The following DYM variants were observed in gnomAD, a reference collection of about 807,000 sequenced individuals.
DYM encodes dymeclin.
Under a neutral mutation model 93.1 loss-of-function variants are expected in DYM, and 78 were observed. The observed-to-expected ratio is 0.84, with a 90% confidence interval of 0.70 to 1.01. DYM has a LOEUF of 1.01. Among genes scored for constraint, DYM ranks in the 50% least tolerant of loss-of-function variants. The pLI is 0.00. For missense variants in DYM, 789 were observed against 845.0 expected, an observed-to-expected ratio of 0.93 and a Z score of 0.82; for synonymous variants, 321 against 319.7, an observed-to-expected ratio of 1.00 and a Z score of -0.04.
chr18:49,225,125 G>C (rs952154472), intron 13 of DYM, among the ~76,000 whole-genome samples: 1 of 152,076 alleles, frequency 6.6e-6, no homozygotes, highest in African/African-American at 2.4e-5. Context: ...CTGAGATATC[G>C]TTAATCCCAT....
At chr18:49,074,830 TG>T (rs749697053) in intron 17 of DYM, among the ~76,000 whole-genome samples, 1 of 152,236 alleles carries the variant, frequency 6.6e-6, no homozygotes, top group Non-Finnish European at 1.5e-5. Flanking sequence ...AGAACTAAAA[TG>T]TTTTTCTGTT....
At chr18:49,191,061 T>C (rs989815012) in intron 14 of DYM, among the ~76,000 whole-genome samples, 1 of 143,442 alleles carries the variant, frequency 7.0e-6, no homozygotes, top group East Asian at 2.3e-4. Flanking sequence ...AAAGTTCTAT[T>C]GTGATTGTGC....
intron 6 of DYM, among the ~76,000 whole-genome samples, chr18:49,341,141 C>CA (rs2064086245): frequency 6.6e-6 from 1 of 151,974 alleles, no homozygotes; most frequent in Non-Finnish European, 1.5e-5. Context: ...AATTTCATGA[C>CA]AAAAAATAGA....
intron 8 of DYM, among the ~76,000 whole-genome samples, chr18:49,295,044 A>G (rs1165540295): frequency 1.3e-5 from 2 of 152,044 alleles, no homozygotes; most frequent in Non-Finnish European, 2.9e-5. Context: ...CCAAAAATAC[A>G]AAGAAGAAAC....
rs571092002 is a variant in DYM, at chr18:49,115,792, C to T, written c.1911+2952G>A. Among the ~76,000 whole-genome samples the T allele has an allele frequency of 1.8e-4, 28 of 152,184 alleles. No homozygotes were observed. In the East Asian group the frequency reaches 3.7e-3, roughly 20 times the overall value. On this transcript the variant is annotated intron_variant, in intron 16 of 17. Transcript: ENST00000675505. ...CCCATTCTTGGGTGATATTCTTAGA[C>T]GAAATATTAGACATCAAGAGTCTCA... is the stretch of plus-strand genomic sequence containing the variant.
chr18:49,220,650 G>A (rs1386229609), intron 13 of DYM, among the ~76,000 whole-genome samples: 8 of 152,100 alleles, frequency 5.3e-5, no homozygotes, highest in African/African-American at 1.2e-4. Flanking sequence ...AACAATCAAT[G>A]GGGAAAGGAT....
At chr18:49,278,577 T>G (rs913500497) in intron 10 of DYM, among the ~76,000 whole-genome samples, 1 of 152,082 alleles carries the variant, frequency 6.6e-6, no homozygotes, top group Non-Finnish European at 1.5e-5. Flanking sequence ...TAGTCATTGG[T>G]CAAATAAGTG....
At chr18:49,453,741 G>C (rs1185022988) in intron 1 of DYM, among the ~76,000 whole-genome samples, 1 of 152,168 alleles carries the variant, frequency 6.6e-6, no homozygotes, top group East Asian at 1.9e-4. Flanking sequence ...CAACAAAAAG[G>C]AAGCACGAAA....
At chr18:49,137,942 A>G (rs2084029855) in intron 15 of DYM, among the ~76,000 whole-genome samples, 1 of 152,194 alleles carries the variant, frequency 6.6e-6, no homozygotes, top group African/African-American at 2.4e-5. Flanking sequence ...AAATAGTTCT[A>G]AAAACCCCTT....
intron 6 of DYM, among the ~76,000 whole-genome samples, chr18:49,335,773 T>G (rs549598547): frequency 1.3e-4 from 20 of 152,172 alleles, no homozygotes; most frequent in African/African-American, 4.8e-4. Flanking sequence ...GATAGGCAGA[T>G]GGATGACTAT....
chr18:49,270,315 C>G (rs751695850), intron 11 of DYM, among the ~76,000 whole-genome samples: 1 of 152,168 alleles, frequency 6.6e-6, no homozygotes, highest in Non-Finnish European at 1.5e-5. Flanking sequence ...GGAGATTATT[C>G]TAAGTGAAAT....
Position 49,096,148 on chromosome 18 carries a change from A to T in DYM, c.2025+1254T>A, listed in dbSNP as rs79145936. ...TATATTTAAAAAAATTATCTGGAATAGGAACACATCCAAGCTGGAGGGCCC... is the reference window on the plus strand; with the variant it reads ...TATATTTAAAAAAATTATCTGGAATTGGAACACATCCAAGCTGGAGGGCCC... On this transcript the variant is annotated intron_variant, in intron 17 of 17. Transcript: ENST00000675505. Among the ~76,000 whole-genome samples the T allele has an allele frequency of 4.0e-3, 613 of 152,358 alleles. 3 individuals are homozygous for T. Among genetic ancestry groups the T allele is most frequent in the African/African-American group, 0.014 (596 of 41,588 alleles).
At chr18:49,319,000 T>A (rs1430756381) in intron 8 of DYM, among the ~76,000 whole-genome samples, 1 of 151,536 alleles carries the variant, frequency 6.6e-6, no homozygotes, top group Non-Finnish European at 1.5e-5. Flanking sequence ...AGAGACGGGG[T>A]TTCACCATCT....
intron 17 of DYM, among the ~76,000 whole-genome samples, chr18:49,084,360 G>A (rs888414157): frequency 6.6e-6 from 1 of 152,090 alleles, no homozygotes; most frequent in Non-Finnish European, 1.5e-5. Flanking sequence ...TCTGAGACTT[G>A]TTTTGTGACC....
chr18:49,349,445 C>A (rs2064925488), intron 6 of DYM, among the ~76,000 whole-genome samples: 1 of 151,880 alleles, frequency 6.6e-6, no homozygotes, highest in Admixed American at 6.6e-5. Flanking sequence ...AGCAAATATT[C>A]CAAAATTGTA....
chr18:49,174,551 C>T (rs988639250), intron 14 of DYM, among the ~76,000 whole-genome samples: 2 of 152,088 alleles, frequency 1.3e-5, no homozygotes, highest in Admixed American at 1.3e-4. Context: ...GATTCACTCT[C>T]ACCCCCTACT....
At position 49,235,902 on chromosome 18, in the gene DYM, T is replaced by C. The variant is rs369807203; in HGVS notation, c.1460+21108A>G. On this transcript the variant is annotated intron_variant, in intron 13 of 17. Coordinates refer to ENST00000675505, the MANE Select transcript of DYM (RefSeq NM_001353214.3). ...AATTTTCATATTCTTTTCCTCTTCATAAGGAATCAGAGACTTCTGCAAACA... is the reference window on the plus strand; with the variant it reads ...AATTTTCATATTCTTTTCCTCTTCACAAGGAATCAGAGACTTCTGCAAACA... 1.3e-4 allele frequency among the ~76,000 whole-genome samples: 20 copies of C among 152,300 alleles called. No individual in the cohort carries two copies. In the South Asian group the frequency reaches 4.1e-3, roughly 32 times the overall value.
intron 14 of DYM, among the ~76,000 whole-genome samples, chr18:49,167,099 T>A (rs2088000417): frequency 6.6e-6 from 1 of 151,062 alleles, no homozygotes; most frequent in East Asian, 2.0e-4. Context: ...GTAACTCTCA[T>A]TATCAATTTA....
intron 15 of DYM, among the ~76,000 whole-genome samples, chr18:49,155,332 G>A (rs545174907): frequency 6.6e-6 from 1 of 152,136 alleles, no homozygotes; most frequent in African/African-American, 2.4e-5. Flanking sequence ...CCAACAAATA[G>A]CTCTCTTTTT....
Sources: gnomAD v4.1 joint callset for allele counts (sites outside exome capture counted in the v4.1 genomes callset) on GRCh38, gnomAD v4.1.1 for gene constraint, MANE v1.5 for transcripts, NCBI Gene and HGNC (gene_info 2026-07-23, HGNC 2026-07-21) for gene names.